SOS2: variants seen among roughly 807,000 people sequenced by gnomAD.
The protein encoded by SOS2 is son of sevenless homolog 2.
SOS2 carries 65 observed loss-of-function variants against 148.2 expected under a neutral mutation model. The observed-to-expected ratio is 0.44, with a 90% CI of 0.36 to 0.54. The LOEUF (loss-of-function observed/expected upper bound fraction) is 0.54, where lower values mean the gene tolerates loss of function less well. SOS2 is among the 20% of genes least tolerant of loss of function. The pLI is 0.00. For synonymous variants in SOS2, 539 were observed against 537.1 expected (o/e 1.00, Z -0.05); for missense variants, 1,341 against 1,590.2 (o/e 0.84, Z 2.67).
intron 12 of SOS2, 147 bp downstream of exon 12, chr14:50,156,852 G>T (rs911441974): frequency 2.4e-6 from 1 of 415,214 alleles, no homozygotes; most frequent in Non-Finnish European, 4.2e-6. Flanking sequence ...TAACTTAACT[G>T]CTGTGAAGTT....
chr14:50,176,914 G>A (rs1274698690), intron 7 of SOS2, among the ~76,000 whole-genome samples: 2 of 152,178 alleles, frequency 1.3e-5, no homozygotes, highest in Non-Finnish European at 2.9e-5. Flanking sequence ...GGAGGCTGAG[G>A]CAGGAGGACT....
At chr14:50,223,193 G>A (rs1335297071) in intron 1 of SOS2, among the ~76,000 whole-genome samples, 1 of 152,128 alleles carries the variant, frequency 6.6e-6, no homozygotes, top group Non-Finnish European at 1.5e-5. Flanking sequence ...CAAGTTTGCA[G>A]GGGAAGAAAA....
At chr14:50,166,362 T>C (rs533526987) in intron 8 of SOS2, among the ~76,000 whole-genome samples, 2 of 152,168 alleles carry the variant, frequency 1.3e-5, no homozygotes, top group East Asian at 1.9e-4. Context: ...CCTGAGTAGC[T>C]TGGACTACAG....
intron 5 of SOS2, among the ~76,000 whole-genome samples, chr14:50,187,731 TTTTG>T (rs1251084437): frequency 6.6e-6 from 1 of 152,220 alleles, no homozygotes; most frequent in Non-Finnish European, 1.5e-5. Flanking sequence ...AAAAAAACTT[TTTTG>T]TTTGTTAAAC....
intron 4 of SOS2, among the ~76,000 whole-genome samples, chr14:50,189,408 G>A (rs1356008871): frequency 2.9e-5 from 4 of 139,094 alleles, no homozygotes; most frequent in East Asian, 2.2e-4. Context: ...GCCACTACTC[G>A]ACTATGATTA....
At position 50,173,248 on chromosome 14, in the gene SOS2, C is replaced by T. The variant is rs534177476; in HGVS notation, c.1068+1206G>A. ...TTAGATAGACAGTTACGACTTTTTC[C>T]GTCTAATCCATGGTAGTAACATTAA... On this transcript the variant is annotated intron_variant, in intron 8 of 22. Coordinates refer to ENST00000216373, the MANE Select transcript of SOS2 (RefSeq NM_006939.4). Among the ~76,000 whole-genome samples the T allele has an allele frequency of 2.0e-5, 3 of 152,106 alleles. 1 individual carries two copies. Among genetic ancestry groups the T allele is most frequent in the African/African-American group, 4.8e-5 (2 of 41,474 alleles).
chr14:50,174,169 G>A (rs950199877), intron 8 of SOS2, among the ~76,000 whole-genome samples: 1 of 136,204 alleles, frequency 7.3e-6, no homozygotes, highest in Non-Finnish European at 1.6e-5. Context: ...AAATAGAGAA[G>A]AGAGTCATTT....
intron 16 of SOS2, among the ~76,000 whole-genome samples, chr14:50,143,354 A>G (rs1884357663): frequency 6.6e-6 from 1 of 151,816 alleles, no homozygotes; most frequent in Non-Finnish European, 1.5e-5. Flanking sequence ...AAAATCAACA[A>G]AATGAAAACA....
At chr14:50,206,968 T>A (rs777876934) in intron 1 of SOS2, among the ~76,000 whole-genome samples, 1 of 152,076 alleles carries the variant, frequency 6.6e-6, no homozygotes, top group Non-Finnish European at 1.5e-5. Context: ...ATGCTGGGAT[T>A]ACAGGCATGA....
intron 21 of SOS2, among the ~76,000 whole-genome samples, chr14:50,121,662 A>C (rs1259235233): frequency 6.7e-6 from 1 of 149,682 alleles, no homozygotes; most frequent in East Asian, 2.0e-4. Context: ...CTTATGAGAC[A>C]TCCAAGTAGA....
intron 1 of SOS2, among the ~76,000 whole-genome samples, chr14:50,229,663 A>T (rs1887482448): frequency 6.6e-6 from 1 of 152,224 alleles, no homozygotes; most frequent in South Asian, 2.1e-4. Flanking sequence ...AAAAGAAAAC[A>T]TAAATCTGTT....
chr14:50,151,209 T>C (rs1201367864), intron 13 of SOS2, among the ~76,000 whole-genome samples: 1 of 152,196 alleles, frequency 6.6e-6, no homozygotes, highest in Non-Finnish European at 1.5e-5. Flanking sequence ...ATTGCACATA[T>C]TGCACTGAGT....
intron 13 of SOS2, 144 bp from the exon 14 acceptor site, chr14:50,150,374 C>G (rs1356370724): frequency 1.3e-5 from 8 of 633,590 alleles, no homozygotes; most frequent in Non-Finnish European, 2.2e-5. Flanking sequence ...CTCATGCCAT[C>G]CCGTCACTTC....
intron 16 of SOS2, among the ~76,000 whole-genome samples, chr14:50,142,949 T>C (rs1235589972): frequency 6.6e-6 from 1 of 152,162 alleles, no homozygotes; most frequent in African/African-American, 2.4e-5. Flanking sequence ...TAACTTGTTA[T>C]CCTTTACTTA....
intron 1 of SOS2, among the ~76,000 whole-genome samples, chr14:50,213,624 T>C (rs544015071): frequency 2.6e-5 from 4 of 152,062 alleles, no homozygotes; most frequent in African/African-American, 9.6e-5. Context: ...TGAGTGGAGA[T>C]TGTGCCACTG....
intron 5 of SOS2, 140 bp from the exon 6 acceptor site, chr14:50,182,746 T>C (rs1885783536): frequency 3.1e-6 from 2 of 646,592 alleles, no homozygotes; most frequent in African/African-American, 1.8e-5. Flanking sequence ...GTACTTTTGC[T>C]GCTGCTGTAC....
intron 18 of SOS2, among the ~76,000 whole-genome samples, chr14:50,135,739 A>G (rs916328306): frequency 7.8e-6 from 1 of 127,928 alleles, no homozygotes; most frequent in African/African-American, 3.0e-5. Context: ...CAGTTTGCTT[A>G]TTTTACAAAA....
At chr14:50,184,024 G>A (rs1260378607) in intron 5 of SOS2, among the ~76,000 whole-genome samples, 2 of 152,164 alleles carry the variant, frequency 1.3e-5, no homozygotes, top group African/African-American at 4.8e-5. Flanking sequence ...AATACTGTAG[G>A]TAACTGTAAC....
intron 1 of SOS2, among the ~76,000 whole-genome samples, chr14:50,227,482 G>T (rs1036097311): frequency 6.6e-6 from 1 of 151,042 alleles, no homozygotes; most frequent in Non-Finnish European, 1.5e-5. Context: ...GCGCGATCTC[G>T]GCTCAACTGC....
Sources: allele counts gnomAD v4.1 joint callset (sites outside exome capture counted in the v4.1 genomes callset), GRCh38; gene constraint gnomAD v4.1.1; transcripts MANE v1.5; gene names NCBI Gene and HGNC (gene_info 2026-07-23, HGNC 2026-07-21).